The following OAT variants were observed in gnomAD, a reference collection of about 807,000 sequenced individuals.
The protein encoded by OAT is ornithine aminotransferase, mitochondrial.
Under a neutral mutation model 48.4 loss-of-function variants are expected in OAT, and 35 were observed. That is an observed-to-expected ratio of 0.72 (90% confidence interval 0.55 to 0.96). The LOEUF is 0.96. Among genes scored for constraint, OAT ranks in the 40% least tolerant of loss-of-function variants. The pLI is 0.00. For synonymous variants in OAT, 182 were observed against 198.4 expected, an observed-to-expected ratio of 0.92 and a Z score of 0.70; for missense variants, 438 against 537.9, an observed-to-expected ratio of 0.81 and a Z score of 1.84.
intron 2 of OAT, among the ~76,000 whole-genome samples, chr10:124,409,559 A>AAT (rs1951693252): frequency 6.6e-6 from 1 of 151,612 alleles, no homozygotes; most frequent in African/African-American, 2.4e-5. Flanking sequence ...TATAAAAAAA[A>AAT]AAAATAAAAT....
At chr10:124,413,263 T>TACAC (rs1226101036) in intron 1 of OAT, among the ~76,000 whole-genome samples, 13 of 112,104 alleles carry the variant, frequency 1.2e-4, no homozygotes, top group African/African-American at 3.8e-4. Context: ...CATACATAAA[T>TACAC]ACATACACAC....
rs746211699 is a variant in OAT at position 124,401,034 on chromosome 10, T to G, written c.1015-50A>C. ...AATATTAAGACTGTCCTTTTTTTGTTTTTTGGAGGACAACGGGGACTGTAA... is the reference window on the plus strand; with the variant it reads ...AATATTAAGACTGTCCTTTTTTTGTGTTTTGGAGGACAACGGGGACTGTAA... On this transcript the variant is annotated intron_variant, in intron 8 of 9. Transcript: ENST00000368845. 12 of 1,431,320 alleles carry G rather than the reference T, an allele frequency of 8.4e-6. No homozygotes were observed. In the African/African-American group the frequency reaches 1.3e-4, roughly 15 times the overall value. The allele number at this position is 1,431,320 out of a possible 1,614,324, so 88.7% of individuals were successfully genotyped here.
chr10:124,408,485 C>A, intron 4 of OAT, 57 bp downstream of exon 4: 1 of 1,473,426 alleles, frequency 6.8e-7, no homozygotes, highest in Non-Finnish European at 9.5e-7. Flanking sequence ...CATGCCTGGC[C>A]ACAGTAAATT....
chr10:124,408,311 GTGTGTGTATA>G (rs1324082493), intron 4 of OAT, among the ~76,000 whole-genome samples: 2 of 61,608 alleles, frequency 3.2e-5, no homozygotes, highest in African/African-American at 1.7e-4. Context: ...GTGTGTGTGT[GTGTGTGTATA>G]TATATATATA....
intron 1 of OAT, among the ~76,000 whole-genome samples, chr10:124,413,784 T>C (rs1373500690): frequency 1.3e-5 from 2 of 152,130 alleles, no homozygotes; most frequent in Admixed American, 1.3e-4. Flanking sequence ...TGTATGAGTG[T>C]TAAAGTCTAA....
At chr10:124,411,939 G>A in intron 2 of OAT, 34 bp downstream of exon 2, 1 of 1,599,592 alleles carries the variant, frequency 6.3e-7, no homozygotes, top group South Asian at 1.1e-5. Flanking sequence ...AAGGTTTCAA[G>A]AAAAGGGAAA....
At chr10:124,418,795 C>G (rs1470287999) in intron 1 of OAT, 78 bp downstream of exon 1, 7 of 152,374 alleles carry the variant, frequency 4.6e-5, no homozygotes, top group Admixed American at 2.0e-4. Flanking sequence ...CCGCGCCCGC[C>G]CGCCTCCCCC....
chr10:124,411,895 A>G, intron 2 of OAT, 78 bp downstream of exon 2: 5 of 1,213,100 alleles, frequency 4.1e-6, no homozygotes, highest in Non-Finnish European at 4.9e-6. Context: ...AAAAATGTAT[A>G]TTGTGAAAAT....
At chr10:124,409,559 A>T (rs75339247) in intron 2 of OAT, among the ~76,000 whole-genome samples, 5,677 of 151,692 alleles carry the variant, frequency 0.037, 356 homozygotes, top group African/African-American at 0.13. Flanking sequence ...TATAAAAAAA[A>T]AAAATAAAAT....
At position 124,405,325 on chromosome 10, in the gene OAT, TTAAG is replaced by T. The variant is rs1238657847; in HGVS notation, c.648+107_648+110del. On this transcript the variant is annotated intron_variant, in intron 5 of 9. Transcript: ENST00000368845. ...AACAAGTCTGAAATCGTGGCTTAAC[TTAAG>T]TGAGATAAATTTGCATTACTGTCAT... is the stretch of plus-strand genomic sequence containing the variant. 6 of 1,519,444 alleles carry T rather than the reference TTAAG, an allele frequency of 3.9e-6. No homozygotes were observed. The African/African-American group carries it at 8.3e-5, about 21-fold the overall frequency. The allele number at this position is 1,519,444 out of a possible 1,614,324, so 94.1% of individuals were successfully genotyped here. A position where few individuals can be genotyped will look rare whatever the true frequency, so the allele number is the denominator to read the frequency against.
intron 1 of OAT, among the ~76,000 whole-genome samples, chr10:124,417,283 C>CTTTT (rs59171918): frequency 2.8e-4 from 24 of 87,018 alleles, no homozygotes; most frequent in Non-Finnish European, 4.2e-4. Context: ...AAACTATAAG[C>CTTTT]TTTTTTTTTT....
At chr10:124,399,677 G>A (rs1176254420) in intron 9 of OAT, among the ~76,000 whole-genome samples, 1 of 152,094 alleles carries the variant, frequency 6.6e-6, no homozygotes, top group African/African-American at 2.4e-5. Context: ...AGCCAAGGTT[G>A]GGAGGTTGGA....
chr10:124,405,685 C>G, intron 4 of OAT, 122 bp from the exon 5 acceptor site: 1 of 1,532,636 alleles, frequency 6.5e-7, no homozygotes, highest in Non-Finnish European at 8.8e-7. Flanking sequence ...CTTTAGTGCA[C>G]CTTCGGTGGG....
chr10:124,417,803 A>G (rs1195579881), intron 1 of OAT, among the ~76,000 whole-genome samples: 1 of 152,258 alleles, frequency 6.6e-6, no homozygotes, highest in Non-Finnish European at 1.5e-5. Flanking sequence ...TGGAAACTGA[A>G]CATTAGTCAT....
At chr10:124,406,538 G>A (rs559908529) in intron 4 of OAT, among the ~76,000 whole-genome samples, 163 of 150,348 alleles carry the variant, frequency 1.1e-3, no homozygotes, top group African/African-American at 3.5e-3. Flanking sequence ...TGGGGAAGCC[G>A]GGTGCAGTGG....
intron 1 of OAT, among the ~76,000 whole-genome samples, chr10:124,416,618 C>A (rs1345316124): frequency 6.6e-6 from 1 of 152,138 alleles, no homozygotes; most frequent in Non-Finnish European, 1.5e-5. Context: ...TTCAGGCTAC[C>A]ATTACTCCCT....
chr10:124,415,724 G>C (rs1476144112), intron 1 of OAT, among the ~76,000 whole-genome samples: 1 of 152,172 alleles, frequency 6.6e-6, no homozygotes, highest in African/African-American at 2.4e-5. Flanking sequence ...TGGTTCTGAA[G>C]AGTAACTCTG....
At chr10:124,412,450 C>T (rs1951786088) in intron 1 of OAT, among the ~76,000 whole-genome samples, 1 of 151,416 alleles carries the variant, frequency 6.6e-6, no homozygotes, top group Non-Finnish European at 1.5e-5. Context: ...GTTGAGGCTG[C>T]AGTGAGCTGA....
chr10:124,407,276 C>G (rs1263752124), intron 4 of OAT: 9 of 985,406 alleles, frequency 9.1e-6, no homozygotes, highest in Non-Finnish European at 1.1e-5. Flanking sequence ...TCCTCAGTCA[C>G]TTACCCTGCA....
Sources: gnomAD v4.1 joint callset for allele counts (sites outside exome capture counted in the v4.1 genomes callset) on GRCh38, gnomAD v4.1.1 for gene constraint, MANE v1.5 for transcripts, NCBI Gene and HGNC (gene_info 2026-07-23, HGNC 2026-07-21) for gene names.